FMN2: variants seen among roughly 807,000 people sequenced by gnomAD.
The protein encoded by FMN2 is formin 2.
A neutral mutation model predicts 142.3 loss-of-function variants in FMN2; 51 were observed. The observed-to-expected ratio is 0.36, with a 90% CI of 0.29 to 0.45. FMN2 has a LOEUF of 0.45. Ranked by LOEUF, FMN2 falls within the 20% of genes least tolerant of loss-of-function variation. FMN2 has a pLI of 1.00. For missense variants in FMN2, 1,936 were observed against 2,122.8 expected, an observed-to-expected ratio of 0.91 and a Z score of 1.73; for synonymous variants, 882 against 869.8, an observed-to-expected ratio of 1.01 and a Z score of -0.25.
intron 1 of FMN2, among the ~76,000 whole-genome samples, chr1:240,122,352 C>T (rs1662316057): frequency 1.3e-5 from 2 of 152,046 alleles, no homozygotes; most frequent in Non-Finnish European, 2.9e-5. Flanking sequence ...CAACCTCCGC[C>T]ACCCAGCTTC....
rs368369630 is a variant in FMN2 at position 240,245,926 on chromosome 1, A to G, written c.4066-12019A>G. On this transcript the variant is annotated intron_variant, in intron 6 of 17. Transcript: ENST00000319653. ...CCAGGCACAGTGGCTTACGCCTGTA[A>G]TCCAGGCACTTGGGGAGGCCGTGGC... Among the ~76,000 whole-genome samples, 13 of 152,302 alleles carry G rather than the reference A, an allele frequency of 8.5e-5. No individual in the cohort carries two copies. In the East Asian group the frequency reaches 9.7e-4, roughly 11 times the overall value.
intron 16 of FMN2, 101 bp downstream of exon 16, chr1:240,438,311 T>C (rs1201783056): frequency 3.1e-6 from 4 of 1,288,466 alleles, no homozygotes; most frequent in African/African-American, 3.0e-5. Flanking sequence ...AAAAATTAGA[T>C]GGCCCTCAAC....
At position 240,213,242 on chromosome 1, in the gene FMN2, A is replaced by G. The variant is rs546030909; in HGVS notation, c.4065+2007A>G. 2.7e-3 allele frequency among the ~76,000 whole-genome samples: 413 copies of G among 152,234 alleles called. 3 individuals carry two copies. The South Asian group carries it at 0.027, about 10-fold the overall frequency. On this transcript the variant is annotated intron_variant, in intron 6 of 17. Coordinates refer to ENST00000319653, the MANE Select transcript of FMN2 (RefSeq NM_020066.5). Reference sequence around the variant, plus strand: ...ATTGTCGGTAAGAGACTTTGCCAATATCCTCATTTGTGTTTATTGATAGTG... The same window carrying G: ...ATTGTCGGTAAGAGACTTTGCCAATGTCCTCATTTGTGTTTATTGATAGTG...
intron 2 of FMN2, among the ~76,000 whole-genome samples, chr1:240,162,882 T>G (rs1664337816): frequency 1.3e-5 from 2 of 152,196 alleles, no homozygotes; most frequent in African/African-American, 4.8e-5. Context: ...TATATGCATT[T>G]AAACCTACAG....
At chr1:240,259,741 G>A (rs182927104) in intron 7 of FMN2, among the ~76,000 whole-genome samples, 13 of 152,048 alleles carry the variant, frequency 8.5e-5, no homozygotes, top group South Asian at 2.1e-4. Flanking sequence ...GACCTCCAGC[G>A]TCATTTTTAA....
At chr1:240,143,911 G>A (rs753198029) in intron 2 of FMN2, 18 of 1,555,758 alleles carry the variant, frequency 1.2e-5, no homozygotes, top group Non-Finnish European at 1.5e-5. Context: ...TTGAGCCAGC[G>A]TAGGCCAAGC....
chr1:240,155,845 TC>T (rs1663999778), intron 2 of FMN2, among the ~76,000 whole-genome samples: 1 of 148,894 alleles, frequency 6.7e-6, no homozygotes, highest in Admixed American at 6.6e-5. Flanking sequence ...TTTAGCTATA[TC>T]ATTAAAAAAA....
intron 2 of FMN2, among the ~76,000 whole-genome samples, chr1:240,169,136 G>A (rs1050849496): frequency 1.3e-5 from 2 of 152,108 alleles, no homozygotes; most frequent in African/African-American, 2.4e-5. Flanking sequence ...GCTTGAACCC[G>A]GGATGCAGAG....
At chr1:240,228,332 AGAAAAAGAAAAAGAAAAAGAAAG>A (rs1558380534) in intron 6 of FMN2, among the ~76,000 whole-genome samples, 2 of 67,140 alleles carry the variant, frequency 3.0e-5, no homozygotes, top group Non-Finnish European at 5.4e-5. Flanking sequence ...AAAAAAAAAA[AGAAAAAGAAAAAGAAAAAGAAAG>A]AAAAAAAATG....
chr1:240,143,074 C>T, intron 2 of FMN2: 3 of 1,513,228 alleles, frequency 2.0e-6, no homozygotes, highest in South Asian at 1.1e-5. Context: ...GTAAGTGTAC[C>T]CTTCCCTAAA....
chr1:240,287,751 T>G (rs997469503), intron 7 of FMN2, among the ~76,000 whole-genome samples: 1 of 152,180 alleles, frequency 6.6e-6, no homozygotes, highest in African/African-American at 2.4e-5. Context: ...ATTTTCTGAG[T>G]GTTTGCTTTG....
At chr1:240,464,129 G>A (rs1172663535) in intron 16 of FMN2, among the ~76,000 whole-genome samples, 1 of 152,184 alleles carries the variant, frequency 6.6e-6, no homozygotes, top group Non-Finnish European at 1.5e-5. Context: ...GTGGCTTTTT[G>A]TGACTAAACA....
chr1:240,121,250 C>G (rs1662232072), intron 1 of FMN2, among the ~76,000 whole-genome samples: 1 of 152,236 alleles, frequency 6.6e-6, no homozygotes, highest in East Asian at 1.9e-4. Flanking sequence ...AAAACTGATG[C>G]CTGAGCCCGG....
At chr1:240,416,450 A>G (rs1266304022) in intron 15 of FMN2, among the ~76,000 whole-genome samples, 2 of 152,006 alleles carry the variant, frequency 1.3e-5, no homozygotes, top group Non-Finnish European at 2.9e-5. Flanking sequence ...TTATATTTTT[A>G]GTAGAGACGG....
chr1:240,099,393 T>C, intron 1 of FMN2, among the ~76,000 whole-genome samples: 1 of 151,866 alleles, frequency 6.6e-6, no homozygotes, highest in Admixed American at 6.6e-5. Flanking sequence ...ACTTATCAGA[T>C]ATTCTGTGGT....
chr1:240,241,825 C>CTTTTTTTTTTTTTTTT lies in FMN2; in HGVS notation c.4066-16106_4066-16091dup, dbSNP rs71567282. On this transcript the variant is annotated intron_variant, in intron 6 of 17. Transcript: ENST00000319653. ...ATTTTCTTTATTTTAGTGTGCCTTG[C>CTTTTTTTTTTTTTTTT]TTTTTTTTTTTTTTTTTTTTTTTTT... Among the ~76,000 whole-genome samples, 19 of 96,224 alleles carry CTTTTTTTTTTTTTTTT rather than the reference C, an allele frequency of 2.0e-4. 2 individuals carry two copies. Among genetic ancestry groups the CTTTTTTTTTTTTTTTT allele is most frequent in the African/African-American group, 6.8e-4 (18 of 26,320 alleles). The allele number at this position is 96,224 out of a possible 152,430, so 63.1% of individuals were successfully genotyped here. A position where few individuals can be genotyped will look rare whatever the true frequency, so the allele number is the denominator to read the frequency against.
At chr1:240,361,441 G>GT (rs1452882437) in intron 14 of FMN2, among the ~76,000 whole-genome samples, 1 of 152,046 alleles carries the variant, frequency 6.6e-6, no homozygotes, top group African/African-American at 2.4e-5. Context: ...TGGTACGCTG[G>GT]TAAAGAAATG....
At chr1:240,261,110 T>G (rs1668610857) in intron 7 of FMN2, among the ~76,000 whole-genome samples, 1 of 152,232 alleles carries the variant, frequency 6.6e-6, no homozygotes, top group Non-Finnish European at 1.5e-5. Flanking sequence ...CATTGTTCTG[T>G]GTGTCTATTT....
intron 5 of FMN2, among the ~76,000 whole-genome samples, chr1:240,210,498 A>G (rs531271871): frequency 6.6e-6 from 1 of 152,298 alleles, no homozygotes; most frequent in South Asian, 2.1e-4. Flanking sequence ...CCACTTATGT[A>G]TGTGGGTGAT....
Sources: gnomAD v4.1 joint callset for allele counts (sites outside exome capture counted in the v4.1 genomes callset) on GRCh38, gnomAD v4.1.1 for gene constraint, MANE v1.5 for transcripts, NCBI Gene and HGNC (gene_info 2026-07-23, HGNC 2026-07-21) for gene names.